Variants in NAV3 observed in about 807,000 individuals in gnomAD.
NAV3 encodes pore membrane and/or filament interacting like protein 1.
NAV3 carries 87 observed loss-of-function variants against 244.7 expected under a neutral mutation model. The ratio of observed to expected loss-of-function variants is 0.36; its 90% CI spans 0.30 to 0.42. NAV3 has a LOEUF of 0.42. Among genes scored for constraint, NAV3 ranks in the 20% least tolerant of loss-of-function variants. The probability of loss-of-function intolerance (pLI) is 1.00; values close to 1 mark genes in which losing one functional copy is unlikely to be tolerated. For missense variants in NAV3, 2,663 were observed against 2,893.3 expected, an observed-to-expected ratio of 0.92 and a Z score of 1.83; for synonymous variants, 1,126 against 1,042.2, an observed-to-expected ratio of 1.08 and a Z score of -1.55.
rs117654709 is a variant in NAV3 at position 78,113,083 on chromosome 12, C to T, written c.2637-3689C>T. ...TTATCTCCTTTGACTTCATATCTCA[C>T]GTCTAGGTCATGATTATGCAAGAGG... On this transcript the variant is annotated intron_variant, in intron 12 of 39. Coordinates refer to ENST00000397909, the MANE Select transcript of NAV3 (RefSeq NM_001024383.2). Among the ~76,000 whole-genome samples, 769 of 152,302 alleles carry T rather than the reference C, an allele frequency of 5.0e-3. 9 individuals are homozygous for T. The highest frequency in any genetic ancestry group is 0.039 in the South Asian group (186 of 4,830).
chr12:78,142,075 T>A (rs970444330), intron 20 of NAV3, among the ~76,000 whole-genome samples: 1 of 152,136 alleles, frequency 6.6e-6, no homozygotes, highest in African/African-American at 2.4e-5. Flanking sequence ...AATAATTTAT[T>A]GTACATTTCA....
chr12:77,634,379 C>T lies in NAV3; in HGVS notation c.72+62113C>T, dbSNP rs556689379. ...TCTGCAATTATATTAGTTGATTTTACATAGAAGGTAATTTTTGATAATATT... is the reference window on the plus strand; with the variant it reads ...TCTGCAATTATATTAGTTGATTTTATATAGAAGGTAATTTTTGATAATATT... On this transcript the variant is annotated intron_variant, in intron 2 of 8. Transcript: ENST00000550042. Among the ~76,000 whole-genome samples the T allele has an allele frequency of 3.9e-5, 6 of 152,242 alleles. No homozygotes were observed. In the South Asian group the frequency reaches 1.2e-3, roughly 32 times the overall value.
chr12:78,048,499 G>A (rs768156449), intron 9 of NAV3, among the ~76,000 whole-genome samples: 4 of 152,150 alleles, frequency 2.6e-5, no homozygotes, highest in African/African-American at 4.8e-5. Flanking sequence ...TCTGGAGTTT[G>A]CTGGAGGTTC....
At chr12:77,854,654 T>G (rs1416100427) in intron 1 of NAV3, among the ~76,000 whole-genome samples, 1 of 152,164 alleles carries the variant, frequency 6.6e-6, no homozygotes, top group Non-Finnish European at 1.5e-5. Context: ...CCAGAATATT[T>G]GTGGCACTTA....
intron 2 of NAV3, among the ~76,000 whole-genome samples, chr12:77,616,289 C>G (rs924211779): frequency 7.9e-5 from 12 of 152,158 alleles, no homozygotes; most frequent in Middle Eastern, 6.8e-3. Flanking sequence ...CACCTGTAAT[C>G]CCAGCTACTC....
intron 24 of NAV3, among the ~76,000 whole-genome samples, chr12:78,173,451 T>C (rs958781995): frequency 6.6e-6 from 1 of 151,684 alleles, no homozygotes; most frequent in Non-Finnish European, 1.5e-5. Flanking sequence ...TGAAAGTTAA[T>C]TATTAGGAAC....
chr12:78,182,690 T>C (rs1437612999), intron 30 of NAV3, among the ~76,000 whole-genome samples: 1 of 151,976 alleles, frequency 6.6e-6, no homozygotes, highest in Non-Finnish European at 1.5e-5. Context: ...TAAGGCAATT[T>C]TTTAGGAGGA....
chr12:77,709,524 C>T (rs1431111649), intron 2 of NAV3, among the ~76,000 whole-genome samples: 1 of 152,016 alleles, frequency 6.6e-6, no homozygotes, highest in East Asian at 1.9e-4. Context: ...ATTATGGGTG[C>T]CATGAAGATG....
intron 2 of NAV3, among the ~76,000 whole-genome samples, chr12:77,798,669 T>C (rs1314100833): frequency 6.6e-6 from 1 of 152,174 alleles, no homozygotes; most frequent in African/African-American, 2.4e-5. Flanking sequence ...TAACAAATGC[T>C]ATAATTATTG....
intron 2 of NAV3, among the ~76,000 whole-genome samples, chr12:77,657,395 A>G (rs1436472465): frequency 1.3e-5 from 2 of 152,212 alleles, no homozygotes; most frequent in Non-Finnish European, 2.9e-5. Flanking sequence ...CACTCTCCCA[A>G]GACTAAACCA....
At chr12:78,090,790 T>C (rs1953884802) in intron 12 of NAV3, among the ~76,000 whole-genome samples, 1 of 152,202 alleles carries the variant, frequency 6.6e-6, no homozygotes, top group African/African-American at 2.4e-5. Flanking sequence ...CTTTCATATT[T>C]CTAAAATTCA....
At chr12:77,890,463 C>A (rs1265409311) in intron 1 of NAV3, among the ~76,000 whole-genome samples, 1 of 151,958 alleles carries the variant, frequency 6.6e-6, no homozygotes, top group African/African-American at 2.4e-5. Flanking sequence ...CTGCTATTAG[C>A]AACATATTTT....
At chr12:77,579,479 T>C (rs901049262) in intron 2 of NAV3, among the ~76,000 whole-genome samples, 1 of 152,228 alleles carries the variant, frequency 6.6e-6, no homozygotes, top group Non-Finnish European at 1.5e-5. Flanking sequence ...TCTTGCTGCA[T>C]CATCACAGAA....
rs545442540 is a variant in NAV3, at chr12:77,877,942, G to C, written c.243+46238G>C. 3.3e-5 allele frequency among the ~76,000 whole-genome samples: 5 copies of C among 152,144 alleles called. No homozygotes were observed. The South Asian group carries it at 8.3e-4, about 25-fold the overall frequency. ...TGTGAGGAAAGACACTTTATCTCTG[G>C]TCTTTTTCCCAAAAGCTTATAACCC... On this transcript the variant is annotated intron_variant, in intron 1 of 39. Coordinates refer to ENST00000397909, the MANE Select transcript of NAV3 (RefSeq NM_001024383.2).
intron 2 of NAV3, among the ~76,000 whole-genome samples, chr12:77,677,322 A>T (rs990813819): frequency 6.6e-6 from 1 of 152,266 alleles, no homozygotes; most frequent in African/African-American, 2.4e-5. Context: ...TTTTAAAAAG[A>T]TAACTTAAAT....
chr12:78,179,544 A>C lies in NAV3; in HGVS notation c.5379A>C (p.Thr1793=), dbSNP rs1018454973. The change falls in exon 29 of 40, where the codon ACA becomes ACC. Residue 1793 remains threonine, a synonymous_variant. Transcript: ENST00000397909. The part of the protein sequence containing the change: ...YKHRSRICEC[T]EAEAEIILQL... ...CCTTCTTCAGGATCTGTGAATGCAC[A>C]GAAGCTGAGGCAGAGATAATTCTGC... 1.2e-6 allele frequency: 2 copies of C among 1,613,272 alleles called. No individual in the cohort carries two copies. Among genetic ancestry groups the C allele is most frequent in the Non-Finnish European group, 1.7e-6 (2 of 1,179,474 alleles).
chr12:77,685,069 C>T (rs1439834065), intron 2 of NAV3, among the ~76,000 whole-genome samples: 1 of 152,064 alleles, frequency 6.6e-6, no homozygotes, highest in Non-Finnish European at 1.5e-5. Context: ...CAGATTGCTC[C>T]TCTAATTTCA....
intron 2 of NAV3, among the ~76,000 whole-genome samples, chr12:77,762,413 A>T (rs1198075631): frequency 2.0e-5 from 3 of 152,084 alleles, no homozygotes; most frequent in Non-Finnish European, 4.4e-5. Flanking sequence ...TGTATCCCAG[A>T]ACTTAAAGTA....
chr12:77,628,354 T>A (rs995452361), intron 2 of NAV3, among the ~76,000 whole-genome samples: 5 of 152,150 alleles, frequency 3.3e-5, no homozygotes, highest in Non-Finnish European at 7.4e-5. Flanking sequence ...GAGGCTTCAA[T>A]AACCCATGAA....
Sources: gnomAD v4.1 joint callset for allele counts (sites outside exome capture counted in the v4.1 genomes callset) on GRCh38, gnomAD v4.1.1 for gene constraint, MANE v1.5 for transcripts, NCBI Gene and HGNC (gene_info 2026-07-23, HGNC 2026-07-21) for gene names.